The following STPG2 variants were observed in gnomAD, a reference collection of about 807,000 sequenced individuals.
STPG2 encodes the protein sperm tail PG-rich repeat containing 2, also known as sperm-tail PG-rich repeat-containing protein 2.
In STPG2, 56 loss-of-function variants were observed where a neutral mutation model predicts 54.2. The ratio of observed to expected loss-of-function variants is 1.03; its 90% CI spans 0.83 to 1.29. The LOEUF (loss-of-function observed/expected upper bound fraction) is 1.29. Ranked by LOEUF, STPG2 falls within the 50% of genes most tolerant of loss-of-function variation. STPG2 has a pLI of 0.00. For missense variants in STPG2, 596 were observed against 544.9 expected (o/e 1.09, Z -0.93); for synonymous variants, 200 against 181.8 (o/e 1.10, Z -0.81).
chr4:97,538,168 C>A (rs956630678), intron 4 of STPG2, among the ~76,000 whole-genome samples: 7 of 152,176 alleles, frequency 4.6e-5, no homozygotes, highest in African/African-American at 1.4e-4. Context: ...CAGCTCCTCA[C>A]CAGCAATGGA....
At chr4:98,031,815 C>A (rs539704800) in intron 5 of STPG2, among the ~76,000 whole-genome samples, 1 of 152,214 alleles carries the variant, frequency 6.6e-6, no homozygotes, top group East Asian at 1.9e-4. Flanking sequence ...ATACTCTATA[C>A]AATTGACAGA....
chr4:98,098,219 A>C (rs186504114), intron 5 of STPG2, among the ~76,000 whole-genome samples: 191 of 152,150 alleles, frequency 1.3e-3, no homozygotes, highest in African/African-American at 4.3e-3. Context: ...ACCTAACCTC[A>C]ATATTACAGA....
intron 4 of STPG2, among the ~76,000 whole-genome samples, chr4:97,548,087 T>C (rs1188395584): frequency 3.3e-5 from 5 of 151,898 alleles, no homozygotes; most frequent in South Asian, 2.1e-4. Flanking sequence ...GAGGCGGAGA[T>C]TGTGGTGAGC....
intron 9 of STPG2, among the ~76,000 whole-genome samples, chr4:97,840,484 G>T (rs1369545867): frequency 6.6e-6 from 1 of 151,318 alleles, no homozygotes; most frequent in African/African-American, 2.4e-5. Context: ...AGAGAGTCAG[G>T]GTAAATGCAA....
chr4:97,738,351 A>C (rs1346314289), intron 9 of STPG2, among the ~76,000 whole-genome samples: 1 of 152,218 alleles, frequency 6.6e-6, no homozygotes, highest in African/African-American at 2.4e-5. Context: ...GATCAAATTC[A>C]CACATAACAA....
chr4:97,829,030 C>A (rs966426556), intron 9 of STPG2, among the ~76,000 whole-genome samples: 5 of 152,162 alleles, frequency 3.3e-5, no homozygotes, highest in Non-Finnish European at 5.9e-5. Context: ...TGCTAAGGGT[C>A]AGACTGCCTC....
intron 5 of STPG2, among the ~76,000 whole-genome samples, chr4:98,051,671 T>C (rs901110359): frequency 2.0e-5 from 3 of 152,018 alleles, no homozygotes; most frequent in Non-Finnish European, 4.4e-5. Flanking sequence ...AGTTACCTAG[T>C]TTGTAATAAT....
At chr4:97,450,098 G>C (rs1241483462) in intron 4 of STPG2, among the ~76,000 whole-genome samples, 1 of 152,000 alleles carries the variant, frequency 6.6e-6, no homozygotes, top group Non-Finnish European at 1.5e-5. Context: ...TCTAAAGAGA[G>C]CCTTTCGAAT....
chr4:97,908,627 A>G (rs2149196969), intron 8 of STPG2, among the ~76,000 whole-genome samples: 1 of 152,096 alleles, frequency 6.6e-6, no homozygotes, highest in Non-Finnish European at 1.5e-5. Flanking sequence ...AATGTCCAAC[A>G]ATGATAGACT....
intron 5 of STPG2, among the ~76,000 whole-genome samples, chr4:98,024,139 GT>G (rs1736335837): frequency 6.6e-6 from 1 of 152,174 alleles, no homozygotes; most frequent in African/African-American, 2.4e-5. Context: ...GCTGGGAGCT[GT>G]AGACCGGAGC....
chr4:98,020,697 C>T (rs1226382465), intron 5 of STPG2, among the ~76,000 whole-genome samples: 1 of 152,160 alleles, frequency 6.6e-6, no homozygotes, highest in African/African-American at 2.4e-5. Context: ...AATTTCAGAT[C>T]CTGTTATTGG....
chr4:97,787,639 AG>A (rs1459865530), intron 9 of STPG2, among the ~76,000 whole-genome samples: 1 of 151,970 alleles, frequency 6.6e-6, no homozygotes, highest in Non-Finnish European at 1.5e-5. Flanking sequence ...CCTCATTAAA[AG>A]GTTAAGTAAT....
At chr4:97,916,821 A>T (rs1238079364) in intron 8 of STPG2, 2 of 152,996 alleles carry the variant, frequency 1.3e-5, no homozygotes, top group Non-Finnish European at 2.9e-5. Flanking sequence ...TTCCAGCAGC[A>T]GCTATTACCT....
intron 10 of STPG2, among the ~76,000 whole-genome samples, chr4:97,599,779 G>A (rs1010309675): frequency 1.4e-5 from 2 of 147,470 alleles, no homozygotes; most frequent in Admixed American, 6.8e-5. Context: ...AGTGGAGATC[G>A]TGCCACTGAA....
intron 8 of STPG2, among the ~76,000 whole-genome samples, chr4:97,878,682 G>A (rs1170090229): frequency 6.6e-6 from 1 of 152,092 alleles, no homozygotes; most frequent in African/African-American, 2.4e-5. Flanking sequence ...CTGGCCTCTG[G>A]GTCTGTGATG....
chr4:97,924,144 C>A (rs1732242991), intron 8 of STPG2, among the ~76,000 whole-genome samples: 1 of 152,152 alleles, frequency 6.6e-6, no homozygotes, highest in Non-Finnish European at 1.5e-5. Context: ...TCAGCGAGAC[C>A]ACGAACCCAC....
At chr4:98,036,684 G>A (rs949662605) in intron 5 of STPG2, among the ~76,000 whole-genome samples, 2 of 151,368 alleles carry the variant, frequency 1.3e-5, no homozygotes, top group African/African-American at 2.4e-5. Context: ...GGGAGAGGAT[G>A]AGAAAAAAAT....
chr4:97,924,973 G>A (rs916095367), intron 8 of STPG2, among the ~76,000 whole-genome samples: 1 of 152,168 alleles, frequency 6.6e-6, no homozygotes, highest in Admixed American at 6.5e-5. Flanking sequence ...TGTAGAATAT[G>A]AATCATTTGT....
intron 10 of STPG2, among the ~76,000 whole-genome samples, chr4:97,563,800 G>C (rs1007188380): frequency 8.5e-5 from 13 of 152,180 alleles, no homozygotes; most frequent in Non-Finnish European, 1.3e-4. Context: ...TGTGGTCTGA[G>C]AGACAGTTTG....
Sources: allele counts gnomAD v4.1 joint callset (sites outside exome capture counted in the v4.1 genomes callset), GRCh38; gene constraint gnomAD v4.1.1; transcripts MANE v1.5; gene names NCBI Gene and HGNC (gene_info 2026-07-23, HGNC 2026-07-21).